Variants in KL observed in about 807,000 individuals in gnomAD.
KL encodes alpha-klotho.
In KL, 62 loss-of-function variants were observed where a neutral mutation model predicts 84.2. The observed-to-expected ratio is 0.74, with a 90% CI of 0.60 to 0.91. KL has a LOEUF of 0.91. Among genes scored for constraint, KL ranks in the 40% least tolerant of loss-of-function variants. The pLI, the probability that KL is intolerant of heterozygous loss-of-function variation, is 0.00. For missense variants in KL, 1,261 were observed against 1,305.7 expected, an observed-to-expected ratio of 0.97 and a Z score of 0.53; for synonymous variants, 528 against 528.0, an observed-to-expected ratio of 1.00 and a Z score of 0.00.
At chr13:33,022,983 C>A (rs966826707) in intron 1 of KL, among the ~76,000 whole-genome samples, 3 of 152,146 alleles carry the variant, frequency 2.0e-5, no homozygotes, top group Non-Finnish European at 2.9e-5. Context: ...TAGGCAGATA[C>A]GTTATGTGAC....
chr13:33,022,050 C>T (rs1293206029), intron 1 of KL, among the ~76,000 whole-genome samples: 2 of 152,108 alleles, frequency 1.3e-5, no homozygotes, highest in East Asian at 1.9e-4. Flanking sequence ...TTGAAGGTTA[C>T]AGTCAAGTCC....
rs1872395344 is a variant in KL at position 33,065,943 on chromosome 13, C to T, written c.*1757C>T. On this transcript the variant is annotated 3_prime_UTR_variant, in exon 5 of 5. Transcript: ENST00000380099. ...TTTTTAATAGTTGTTGAGTATTCCA[C>T]CACAGGAATGTATCACAACTTAACC... is the stretch of plus-strand genomic sequence containing the variant. 1 of 176,502 alleles carries T rather than the reference C, an allele frequency of 5.7e-6. No homozygotes were observed. The highest frequency in any genetic ancestry group is 1.2e-5 in the Non-Finnish European group (1 of 82,046). 10.9% of individuals were successfully genotyped at this position (176,502 alleles called of 1,614,324 possible).
chr13:33,061,621 G>A lies in KL; in HGVS notation c.2542G>A (p.Val848Met). The A allele has an allele frequency of 6.2e-7, 1 of 1,614,226 alleles. No individual in the cohort carries two copies. ...CAACTCCCCCAGTCAGGTGGCGGTAGTGCCCTGGGGGTTGCGCAAAGTGCT... is the reference window on the plus strand; with the variant it reads ...CAACTCCCCCAGTCAGGTGGCGGTAATGCCCTGGGGGTTGCGCAAAGTGCT... The part of the protein sequence containing the change: ...WLNSPSQVAV[V>M]PWGLRKVLNW... The change falls in exon 4 of 5, where the codon GTG becomes ATG. Residue 848 changes from valine (V) to methionine (M), a missense_variant. By Grantham distance (21) the Val-to-Met change is conservative (BLOSUM62 1). Coordinates refer to ENST00000380099, the MANE Select transcript of KL (RefSeq NM_004795.4).
At chr13:33,053,456 T>C (rs747012652) in intron 1 of KL, among the ~76,000 whole-genome samples, 3 of 152,194 alleles carry the variant, frequency 2.0e-5, no homozygotes, top group Admixed American at 6.5e-5. Flanking sequence ...AATTAAATAG[T>C]AAGCTATTAT....
chr13:33,016,561 A>G lies in KL; in HGVS notation c.121A>G (p.Thr41Ala). 1 of 1,467,270 alleles carries G rather than the reference A, an allele frequency of 6.8e-7. No homozygotes were observed. Among genetic ancestry groups the G allele is most frequent in the Non-Finnish European group, 9.0e-7 (1 of 1,113,288 alleles). The allele number at this position is 1,467,270 out of a possible 1,614,324, so 90.9% of individuals were successfully genotyped here. ...TGCGGAGCCGGGCGACGGCGCGCAG[A>G]CCTGGGCCCGTTTCTCGCGGCCTCC... ...LRAEPGDGAQTWARFSRPPAP... is the reference protein window; with the variant it reads ...LRAEPGDGAQAWARFSRPPAP... The change falls in exon 1 of 5, where the codon ACC becomes GCC. Residue 41 changes from threonine to alanine, a missense_variant. Coordinates refer to ENST00000380099, the MANE Select transcript of KL (RefSeq NM_004795.4).
chr13:33,031,859 T>C lies in KL; in HGVS notation c.819+14600T>C, dbSNP rs577133628. Among the ~76,000 whole-genome samples the C allele has an allele frequency of 2.2e-3, 328 of 152,310 alleles. 1 individual carries two copies. Among genetic ancestry groups the C allele is most frequent in the African/African-American group, 7.2e-3 (299 of 41,560 alleles). ...ATTTTAAACTATATAAATGCATTTA[T>C]TAATTTAAAGTAATTTAAAAAACCC... On this transcript the variant is annotated intron_variant, in intron 1 of 4. Transcript: ENST00000380099.
chr13:33,044,652 T>TC (rs1370214247), intron 1 of KL, among the ~76,000 whole-genome samples: 1 of 97,756 alleles, frequency 1.0e-5, no homozygotes, highest in African/African-American at 4.3e-5. Context: ...TTTTTTTTTT[T>TC]TTTTTTTTTT....
At chr13:33,062,562 A>G (rs1872248631) in intron 4 of KL, among the ~76,000 whole-genome samples, 1 of 147,920 alleles carries the variant, frequency 6.8e-6, no homozygotes, top group Non-Finnish European at 1.5e-5. Context: ...AATCTCAGCT[A>G]CTCGGGAGGC....
At chr13:33,024,055 C>T (rs764714645) in intron 1 of KL, among the ~76,000 whole-genome samples, 8 of 152,182 alleles carry the variant, frequency 5.3e-5, no homozygotes, top group Admixed American at 2.0e-4. Flanking sequence ...AGGACTCCTC[C>T]GTGACTGTCT....
At position 33,061,056 on chromosome 13, in the gene KL, C is replaced by A; in HGVS notation, c.1977C>A (p.Asn659Lys). 2 of 1,612,484 alleles carry A rather than the reference C, an allele frequency of 1.2e-6. No homozygotes were observed. The highest frequency in any genetic ancestry group is 1.7e-6 in the Non-Finnish European group (2 of 1,178,870). ...RLLARQGAWE[N>K]PYTALAFAEY... ...TGGCCAGGCAGGGCGCCTGGGAGAA[C>A]CCCTACACTGCCCTGGCCTTTGCAG... is the stretch of plus-strand genomic sequence containing the variant. The change falls in exon 4 of 5, where the codon AAC becomes AAA. Residue 659 changes from asparagine (N) to lysine (K), a missense_variant. By Grantham distance (94) the Asn-to-Lys change is moderately conservative (BLOSUM62 0). Coordinates refer to ENST00000380099, the MANE Select transcript of KL (RefSeq NM_004795.4).
At position 33,061,454 on chromosome 13, in the gene KL, A is replaced by C. The variant is rs774101605; in HGVS notation, c.2375A>C (p.Asp792Ala). 6.2e-7 allele frequency: 1 copy of C among 1,614,250 alleles called. No individual in the cohort carries two copies. Among genetic ancestry groups the C allele is most frequent in the Non-Finnish European group, 8.5e-7 (1 of 1,180,052 alleles). The change falls in exon 4 of 5, where the codon GAT becomes GCT. Residue 792 changes from aspartate (D) to alanine (A), a missense_variant. By Grantham distance (126) the Asp-to-Ala change is moderately radical. Coordinates refer to ENST00000380099, the MANE Select transcript of KL (RefSeq NM_004795.4). ...TTTCTTCTTCCTTATTTCACTGAAG[A>C]TGAAAAAAAGCTAATCCAGGGTACC... The part of the protein sequence containing the change: ...NNFLLPYFTE[D>A]EKKLIQGTFD...
At chr13:33,028,381 G>A (rs1870852562) in intron 1 of KL, among the ~76,000 whole-genome samples, 1 of 152,182 alleles carries the variant, frequency 6.6e-6, no homozygotes. Context: ...ATTCATGAGA[G>A]TCAAAGTCCC....
In KL at chr13:33,060,874, T is replaced by G; in HGVS notation, c.1795T>G (p.Trp599Gly). The G allele has an allele frequency of 6.2e-7, 1 of 1,614,216 alleles. No homozygotes were observed. The highest frequency in any genetic ancestry group is 8.5e-7 in the Non-Finnish European group (1 of 1,180,008). ...TACACATTTTCGCTTCTCCCTGGAC[T>G]GGGCCCTGATTCTCCCTCTGGGTAA... ...HVTHFRFSLD[W>G]ALILPLGNQS... is the part of the protein sequence containing the mutation. Residue 599 changes from tryptophan to glycine, a missense_variant, in exon 4 of 5, where the codon TGG becomes GGG. Coordinates refer to ENST00000380099, the MANE Select transcript of KL (RefSeq NM_004795.4).
At chr13:33,062,034 G>T (rs890728251) in intron 4 of KL, among the ~76,000 whole-genome samples, 1 of 152,216 alleles carries the variant, frequency 6.6e-6, no homozygotes, top group African/African-American at 2.4e-5. Context: ...CTTCCATCTT[G>T]GATGGCTCCA....
chr13:33,050,570 G>C (rs562765904), intron 1 of KL, among the ~76,000 whole-genome samples: 1 of 152,274 alleles, frequency 6.6e-6, no homozygotes, highest in East Asian at 1.9e-4. Context: ...TGCAGTAAAT[G>C]ATATTAGAGA....
rs778691231 is a variant in KL, at chr13:33,016,645, G to T, written c.205G>T (p.Val69Leu). ...CTTCCCCGACGGCTTCCTCTGGGCC[G>T]TGGGCAGCGCCGCCTACCAGACCGA... The part of the protein sequence containing the change: ...GTFPDGFLWA[V>L]GSAAYQTEGG... Residue 69 changes from valine (V) to leucine (L), a missense_variant, in exon 1 of 5, where the codon GTG becomes TTG. Val to Leu is a conservative substitution (Grantham distance 32). Coordinates refer to ENST00000380099, the MANE Select transcript of KL (RefSeq NM_004795.4). The T allele has an allele frequency of 2.5e-6, 4 of 1,577,284 alleles. No individual in the cohort carries two copies. The highest frequency in any genetic ancestry group is 2.6e-6 in the Non-Finnish European group (3 of 1,161,880).
At chr13:33,030,171 C>G (rs1325780715) in intron 1 of KL, among the ~76,000 whole-genome samples, 1 of 152,112 alleles carries the variant, frequency 6.6e-6, no homozygotes, top group Non-Finnish European at 1.5e-5. Context: ...GGACAGAGAC[C>G]TCATTGCCTA....
chr13:33,064,406 T>C lies in KL; in HGVS notation c.*220T>C, dbSNP rs1872330726. The C allele has an allele frequency of 2.3e-6, 1 of 443,990 alleles. No homozygotes were observed. The highest frequency in any genetic ancestry group is 4.0e-5 in the Admixed American group (1 of 25,258). 27.5% of individuals were successfully genotyped at this position (443,990 alleles called of 1,614,324 possible). A position where few individuals can be genotyped will look rare whatever the true frequency, so the allele number is the denominator to read the frequency against. On this transcript the variant is annotated 3_prime_UTR_variant, in exon 5 of 5. Coordinates refer to ENST00000380099, the MANE Select transcript of KL (RefSeq NM_004795.4). Reference sequence around the variant, plus strand: ...CTGAATTTGTTCTCTTTTTGGGTGATTAAAAAACTGACAGGCACTATAATT... The same window carrying C: ...CTGAATTTGTTCTCTTTTTGGGTGACTAAAAAACTGACAGGCACTATAATT...
At chr13:33,059,973 T>G (rs1465996905) in intron 3 of KL, among the ~76,000 whole-genome samples, 1 of 152,240 alleles carries the variant, frequency 6.6e-6, no homozygotes, top group African/African-American at 2.4e-5. Flanking sequence ...TTTTTAAATC[T>G]TCTTTTTTGA....
Sources: gnomAD v4.1 joint callset for allele counts (sites outside exome capture counted in the v4.1 genomes callset) on GRCh38, gnomAD v4.1.1 for gene constraint, MANE v1.5 for transcripts, NCBI Gene and HGNC (gene_info 2026-07-23, HGNC 2026-07-21) for gene names.